TENM2: variants seen among roughly 807,000 people sequenced by gnomAD.
TENM2 encodes teneurin transmembrane protein 2, also known as teneurin-2.
TENM2 carries 52 observed loss-of-function variants against 245.2 expected under a neutral mutation model. That is an observed-to-expected ratio of 0.21 (90% confidence interval 0.17 to 0.27). The LOEUF (loss-of-function observed/expected upper bound fraction) is 0.27. TENM2 is among the 10% of genes least tolerant of loss of function. The probability of loss-of-function intolerance (pLI) is 1.00; values close to 1 mark genes in which losing one functional copy is unlikely to be tolerated. For missense variants in TENM2, 3,046 were observed against 3,666.8 expected (o/e 0.83, Z 4.37); for synonymous variants, 1,363 against 1,438.9 (o/e 0.95, Z 1.19).
intron 2 of TENM2, among the ~76,000 whole-genome samples, chr5:167,470,352 A>C (rs541981545): frequency 1.2e-3 from 187 of 151,880 alleles, no homozygotes; most frequent in Non-Finnish European, 2.3e-3. Context: ...CTTCCAGTTC[A>C]ATTATAAATC....
chr5:167,327,736 C>T (rs1212349407), intron 1 of TENM2, among the ~76,000 whole-genome samples: 1 of 152,022 alleles, frequency 6.6e-6, no homozygotes, highest in Non-Finnish European at 1.5e-5. Flanking sequence ...GAAAAGAGTT[C>T]TAGAATGTGT....
At chr5:167,505,130 C>G (rs1769453957) in intron 2 of TENM2, among the ~76,000 whole-genome samples, 1 of 152,000 alleles carries the variant, frequency 6.6e-6, no homozygotes, top group Non-Finnish European at 1.5e-5. Flanking sequence ...GCCTCAGTAC[C>G]ATTGTATTTG....
intron 3 of TENM2, among the ~76,000 whole-genome samples, chr5:167,896,084 C>T (rs1327640429): frequency 1.3e-5 from 2 of 152,218 alleles, no homozygotes; most frequent in African/African-American, 4.8e-5. Flanking sequence ...GCAGGTCAGG[C>T]AGTCTGATAG....
At chr5:167,019,495 G>C in the TENM2 span, among the ~76,000 whole-genome samples, 2 of 152,066 alleles carry the variant, frequency 1.3e-5, no homozygotes, top group African/African-American at 4.8e-5. Flanking sequence ...TTTTGAGACA[G>C]AGTCTCGCTC....
chr5:167,878,573 CTGTGTG>C (rs10573629), intron 3 of TENM2, among the ~76,000 whole-genome samples: 57,973 of 149,618 alleles, frequency 0.39, 13,078 homozygotes, highest in Non-Finnish European at 0.51. Flanking sequence ...GTGCTCACGT[CTGTGTG>C]TGTGTGTGTG....
At chr5:167,337,416 C>T (rs1024294012) in intron 1 of TENM2, among the ~76,000 whole-genome samples, 1 of 151,958 alleles carries the variant, frequency 6.6e-6, no homozygotes, top group African/African-American at 2.4e-5. Context: ...AACTATATAA[C>T]ACAATAAGTA....
At chr5:167,675,058 G>C (rs1393951574) in intron 2 of TENM2, among the ~76,000 whole-genome samples, 1 of 151,984 alleles carries the variant, frequency 6.6e-6, no homozygotes, top group Non-Finnish European at 1.5e-5. Context: ...CTGATGAATG[G>C]TGAGAAAAAA....
the TENM2 span, among the ~76,000 whole-genome samples, chr5:167,272,843 C>T: frequency 2.6e-5 from 4 of 152,090 alleles, no homozygotes; most frequent in East Asian, 1.9e-4. Context: ...ACCAATGATG[C>T]GAGAGATACA....
At chr5:167,605,827 G>A (rs370353141) in intron 2 of TENM2, among the ~76,000 whole-genome samples, 5 of 152,066 alleles carry the variant, frequency 3.3e-5, no homozygotes, top group South Asian at 2.1e-4. Context: ...GTTCTTTCCC[G>A]GGAATGCACA....
chr5:167,146,778 A>G, the TENM2 span, among the ~76,000 whole-genome samples: 2 of 152,172 alleles, frequency 1.3e-5, no homozygotes, highest in African/African-American at 4.8e-5. Flanking sequence ...TCTGCTTTTA[A>G]GACACCTCAG....
intron 25 of TENM2, 110 bp downstream of exon 27, chr5:168,228,240 T>G: frequency 2.3e-6 from 2 of 861,828 alleles, no homozygotes; most frequent in Admixed American, 2.3e-5. Context: ...GATATACACT[T>G]TCCTCACAGA....
At chr5:168,043,179 T>TATTTGAA (rs1788344552) in intron 5 of TENM2, among the ~76,000 whole-genome samples, 1 of 152,002 alleles carries the variant, frequency 6.6e-6, no homozygotes, top group African/African-American at 2.4e-5. Context: ...GACCAGCATT[T>TATTTGAA]ATTTGAAATC....
chr5:167,962,507 T>C (rs1432823812), intron 4 of TENM2, among the ~76,000 whole-genome samples: 2 of 152,224 alleles, frequency 1.3e-5, no homozygotes, highest in Non-Finnish European at 2.9e-5. Flanking sequence ...ATAGAACTGA[T>C]GAAATGTATG....
rs572260487 is a variant in TENM2, at chr5:167,322,565, C to A, written c.226+37502C>A. Among the ~76,000 whole-genome samples, 28 of 152,238 alleles carry A rather than the reference C, an allele frequency of 1.8e-4. No homozygotes were observed. The South Asian group carries it at 5.8e-3, about 32-fold the overall frequency. On this transcript the variant is annotated intron_variant, in intron 1 of 28. Coordinates refer to ENST00000518659, the Ensembl canonical transcript of TENM2. ...AGATGGCTCATATGAAATGTTTAGCCCAGTGCTCAAGAACTCTTAATTACC... is the reference window on the plus strand; with the variant it reads ...AGATGGCTCATATGAAATGTTTAGCACAGTGCTCAAGAACTCTTAATTACC...
chr5:167,295,230 T>C (rs1427314959), intron 1 of TENM2, among the ~76,000 whole-genome samples: 1 of 152,240 alleles, frequency 6.6e-6, no homozygotes, highest in Non-Finnish European at 1.5e-5. Context: ...GGTATGTCTG[T>C]CCAGCATGAC....
At chr5:167,218,095 C>A in the TENM2 span, among the ~76,000 whole-genome samples, 6 of 152,102 alleles carry the variant, frequency 3.9e-5, no homozygotes, top group Non-Finnish European at 5.9e-5. Flanking sequence ...CATGCCAGAA[C>A]TGCCTCTAAT....
chr5:167,616,931 T>A (rs1432979646), intron 2 of TENM2, among the ~76,000 whole-genome samples: 2 of 152,132 alleles, frequency 1.3e-5, no homozygotes, highest in Non-Finnish European at 2.9e-5. Context: ...AGGCCTTCCA[T>A]GATGATTATC....
At chr5:167,385,148 G>A (rs912789663) in intron 2 of TENM2, among the ~76,000 whole-genome samples, 3 of 152,098 alleles carry the variant, frequency 2.0e-5, no homozygotes, top group East Asian at 3.9e-4. Context: ...ATTTTTAAGG[G>A]CACAGTAAGT....
intron 27 of TENM2, among the ~76,000 whole-genome samples, chr5:168,258,301 A>G (rs545323533): frequency 2.6e-5 from 4 of 152,212 alleles, no homozygotes; most frequent in African/African-American, 9.6e-5. Context: ...AGATATGGAG[A>G]CCATCCTGGC....
Sources: allele counts gnomAD v4.1 joint callset (sites outside exome capture counted in the v4.1 genomes callset), GRCh38; gene constraint gnomAD v4.1.1; transcripts MANE v1.5; gene names NCBI Gene and HGNC (gene_info 2026-07-23, HGNC 2026-07-21).